Variants in CHMP3 observed in about 807,000 individuals in gnomAD.
CHMP3 encodes the protein charged multivesicular body protein 3.
A neutral mutation model predicts 27.4 loss-of-function variants in CHMP3; 8 were observed. The ratio of observed to expected loss-of-function variants is 0.29; its 90% confidence interval spans 0.17 to 0.53. The LOEUF (loss-of-function observed/expected upper bound fraction) is 0.53. CHMP3 is among the 20% of genes least tolerant of loss of function. The pLI, the probability that CHMP3 is intolerant of heterozygous loss-of-function variation, is 0.96. For missense variants in CHMP3, 208 were observed against 271.5 expected (o/e 0.77, Z 1.64); for synonymous variants, 86 against 85.5 (o/e 1.01, Z -0.03).
intron 2 of CHMP3, among the ~76,000 whole-genome samples, chr2:86,533,691 G>C (rs1478369341): frequency 6.6e-6 from 1 of 152,136 alleles, no homozygotes; most frequent in African/African-American, 2.4e-5. Flanking sequence ...TTTTGATAGA[G>C]ACAGGGTTTC....
rs1387730525 is a variant in CHMP3 at position 86,505,373 on chromosome 2, C to T, written c.*431G>A. The stretch of plus-strand genomic sequence containing the variant: ...CCTGGCCATAGCAACTCTTTCCACA[C>T]CCAGCAAATGAAGCAATCTGGGGCA... On this transcript the variant is annotated 3_prime_UTR_variant, in exon 6 of 6. Coordinates refer to ENST00000263856, the MANE Select transcript of CHMP3 (RefSeq NM_016079.4). The T allele has an allele frequency of 2.0e-5, 3 of 153,432 alleles. No individual in the cohort carries two copies. Among genetic ancestry groups the T allele is most frequent in the Non-Finnish European group, 4.4e-5 (3 of 68,926 alleles). The allele number at this position is 153,432 out of a possible 1,614,324, so 9.5% of individuals were successfully genotyped here.
chr2:86,518,471 G>GA (rs901976877), intron 3 of CHMP3, among the ~76,000 whole-genome samples: 11 of 151,714 alleles, frequency 7.3e-5, no homozygotes, highest in East Asian at 1.9e-4. Context: ...GCCTCCACTT[G>GA]AAAAAAAATA....
chr2:86,539,134 A>AACCAAATG (rs1290655731), intron 2 of CHMP3, among the ~76,000 whole-genome samples: 1 of 152,130 alleles, frequency 6.6e-6, no homozygotes, highest in Admixed American at 6.5e-5. Context: ...GCTAGCATAA[A>AACCAAATG]ACCAAATGAA....
In CHMP3 at chr2:86,556,400, C is replaced by T. The variant is rs914121082; in HGVS notation, c.45+6904G>A. Among the ~76,000 whole-genome samples the T allele has an allele frequency of 3.3e-5, 5 of 152,190 alleles. No individual in the cohort carries two copies. The South Asian group carries it at 1.0e-3, about 31-fold the overall frequency. ...CTGAGTATATATCAGCTCAATCATG[C>T]TAGATTTCAAATGTCCAGGTGTTTT... On this transcript the variant is annotated intron_variant, in intron 1 of 5. Coordinates refer to ENST00000263856, the MANE Select transcript of CHMP3 (RefSeq NM_016079.4).
At chr2:86,521,736 C>T (rs535690070) in intron 3 of CHMP3, among the ~76,000 whole-genome samples, 14 of 152,312 alleles carry the variant, frequency 9.2e-5, no homozygotes, top group Admixed American at 7.8e-4. Flanking sequence ...CAAGATTCGT[C>T]CATATTGTTG....
At chr2:86,535,663 G>A (rs970262906) in intron 2 of CHMP3, among the ~76,000 whole-genome samples, 4 of 151,908 alleles carry the variant, frequency 2.6e-5, no homozygotes, top group South Asian at 2.1e-4. Context: ...CGCACCACAC[G>A]CCCAGCTAAT....
intron 3 of CHMP3, among the ~76,000 whole-genome samples, chr2:86,516,155 A>AG: frequency 6.6e-6 from 1 of 151,256 alleles, no homozygotes; most frequent in Non-Finnish European, 1.5e-5. Flanking sequence ...TCAAAAAAAA[A>AG]AAAAAAAAAG....
chr2:86,529,102 T>G, intron 3 of CHMP3, 116 bp downstream of exon 3: 1 of 1,215,114 alleles, frequency 8.2e-7, no homozygotes, highest in East Asian at 2.7e-5. Flanking sequence ...CACTCAACAC[T>G]AAGAAAATAC....
At chr2:86,517,005 T>C (rs981056674) in intron 3 of CHMP3, among the ~76,000 whole-genome samples, 2 of 152,220 alleles carry the variant, frequency 1.3e-5, no homozygotes, top group East Asian at 3.9e-4. Context: ...AAGATGTTAC[T>C]ATCGGGGGAA....
rs1383469938 is a variant in CHMP3, at chr2:86,507,519, T to C, written c.483A>G (p.Ala161=). 6.2e-7 allele frequency: 1 copy of C among 1,614,190 alleles called. No individual in the cohort carries two copies. The highest frequency in any genetic ancestry group is 1.1e-5 in the South Asian group (1 of 91,086). ...AGAGAATTCTGTCAATTTCCATTTC[T>C]GCTTCTTCCTCCATTTCTTCCTGAT... ...MDDQEEMEEE[A]EMEIDRILFE... The change falls in exon 5 of 6, where the codon GCA becomes GCG. Residue 161 remains alanine, a synonymous_variant. Transcript: ENST00000263856.
chr2:86,562,414 A>C (rs1677409256), intron 1 of CHMP3, among the ~76,000 whole-genome samples: 1 of 152,164 alleles, frequency 6.6e-6, no homozygotes, highest in Non-Finnish European at 1.5e-5. Context: ...TCCGAGATTT[A>C]ACAAGCTCCC....
chr2:86,540,452 A>G (rs1011713693), intron 2 of CHMP3, among the ~76,000 whole-genome samples: 1 of 152,114 alleles, frequency 6.6e-6, no homozygotes, highest in African/African-American at 2.4e-5. Flanking sequence ...TTCAGGCTTT[A>G]GATTTTGGAA....
intron 3 of CHMP3, 41 bp from the exon 4 acceptor site, chr2:86,510,520 G>A (rs1253700040): frequency 6.3e-7 from 1 of 1,598,054 alleles, no homozygotes; most frequent in East Asian, 2.2e-5. Context: ...TCAACAGGAT[G>A]GAATAGAGAG....
intron 1 of CHMP3, among the ~76,000 whole-genome samples, chr2:86,561,280 A>C (rs1057228599): frequency 1.1e-4 from 16 of 152,228 alleles, no homozygotes; most frequent in African/African-American, 3.9e-4. Context: ...TGTATGCCTC[A>C]GTTGCCACCT....
intron 1 of CHMP3, among the ~76,000 whole-genome samples, chr2:86,545,590 C>A (rs371202607): frequency 8.9e-6 from 1 of 112,184 alleles, no homozygotes; most frequent in East Asian, 3.1e-4. Context: ...GGGCGACTGC[C>A]GGGCAGAGGC....
rs746679410 is a variant in CHMP3, at chr2:86,505,579, C to G, written c.*225G>C. ...AGCAGATGGATTTCTTTCCCCTCCC[C>G]ACAATAAGATATATCTGTCTATACT... is the stretch of plus-strand genomic sequence containing the variant. On this transcript the variant is annotated 3_prime_UTR_variant, in exon 6 of 6. Transcript: ENST00000263856. The G allele has an allele frequency of 6.5e-5, 30 of 461,288 alleles. 1 individual carries two copies. The highest frequency in any genetic ancestry group is 5.9e-4 in the Middle Eastern group (1 of 1,706). 28.6% of individuals were successfully genotyped at this position (461,288 alleles called of 1,614,324 possible).
At chr2:86,544,006 T>C (rs1320865968) in intron 1 of CHMP3, among the ~76,000 whole-genome samples, 1 of 152,252 alleles carries the variant, frequency 6.6e-6, no homozygotes, top group Non-Finnish European at 1.5e-5. Context: ...CTAATTTGCT[T>C]CCTGTCTCTA....
chr2:86,551,773 C>T (rs547354839), intron 1 of CHMP3, among the ~76,000 whole-genome samples: 1 of 152,322 alleles, frequency 6.6e-6, no homozygotes, highest in African/African-American at 2.4e-5. Flanking sequence ...CAAATAGTTA[C>T]ACTTTTTGTT....
At chr2:86,555,136 C>A (rs1056192042) in intron 1 of CHMP3, among the ~76,000 whole-genome samples, 3 of 152,084 alleles carry the variant, frequency 2.0e-5, no homozygotes, top group African/African-American at 7.2e-5. Flanking sequence ...GCATGAGCCA[C>A]CGCTCCCGGC....
Sources: gnomAD v4.1 joint callset for allele counts (sites outside exome capture counted in the v4.1 genomes callset) on GRCh38, gnomAD v4.1.1 for gene constraint, MANE v1.5 for transcripts, NCBI Gene and HGNC (gene_info 2026-07-23, HGNC 2026-07-21) for gene names.